The following KIF19 variants were observed in gnomAD, a reference collection of about 807,000 sequenced individuals.
The protein encoded by KIF19 is kinesin-like protein KIF19.
KIF19 carries 98 observed loss-of-function variants against 106.6 expected under a neutral mutation model. That is an observed-to-expected ratio of 0.92 (90% CI 0.78 to 1.09). KIF19 has a LOEUF of 1.09. KIF19 is among the 50% of genes least tolerant of loss of function. KIF19 has a pLI of 0.00. For synonymous variants in KIF19, 516 were observed against 584.2 expected (o/e 0.88, Z 1.68); for missense variants, 1,373 against 1,414.3 (o/e 0.97, Z 0.47).
In KIF19 at chr17:74,326,392, A is replaced by C; in HGVS notation, c.39+4A>C. 2 of 1,612,038 alleles carry C rather than the reference A, an allele frequency of 1.2e-6. No homozygotes were observed. The highest frequency in any genetic ancestry group is 1.7e-5 in the Admixed American group (1 of 59,834). ...CTCCAAGGACCAGCAACTCATGGTG[A>C]GACCCTTTTAGACCCTCCTCCCCAC... On this transcript the variant is annotated splice_donor_region_variant and intron_variant, in intron 1 of 19. Transcript: ENST00000389916.
At position 74,347,732 on chromosome 17, in the gene KIF19, G is replaced by T. The variant is rs1185058663; in HGVS notation, c.925-45G>T. On this transcript the variant is annotated intron_variant, in intron 8 of 19. Coordinates refer to ENST00000389916, the MANE Select transcript of KIF19 (RefSeq NM_153209.4). ...TCGTGAACAGCCTGGCAGGAGGAAG[G>T]CCTGAGGAGGCAGTCCCCACTGACC... is the stretch of plus-strand genomic sequence containing the variant. The T allele has an allele frequency of 4.5e-6, 7 of 1,569,672 alleles. No homozygotes were observed. In the South Asian group the frequency reaches 8.2e-5, roughly 18 times the overall value.
intron 10 of KIF19, 46 bp from the exon 11 acceptor site, chr17:74,350,355 T>C: frequency 6.6e-7 from 1 of 1,524,076 alleles, no homozygotes; most frequent in Admixed American, 2.0e-5. Flanking sequence ...CTTTGCTAGC[T>C]GAACTTGCCG....
chr17:74,345,032 C>A, intron 7 of KIF19, 77 bp downstream of exon 7: 2 of 1,341,180 alleles, frequency 1.5e-6, no homozygotes, highest in Non-Finnish European at 2.0e-6. Flanking sequence ...TGGTGACTCC[C>A]ATGCAAGGCC....
At chr17:74,353,435 G>C in intron 16 of KIF19, 59 bp from the exon 17 acceptor site, 1 of 1,529,970 alleles carries the variant, frequency 6.5e-7, no homozygotes, top group South Asian at 1.1e-5. Flanking sequence ...CTGCTGAGTG[G>C]GGCATGGGGT....
rs755214136 is a variant in KIF19 at position 74,347,853 on chromosome 17, G to A, written c.1001G>A (p.Arg334Gln). The change falls in exon 9 of 20, where the codon CGG becomes CAG. Residue 334 changes from arginine to glutamine, a missense_variant. Physicochemically the swap from Arg to Gln is conservative, Grantham distance 43 (BLOSUM62 1). This residue lies in a region of KIF19 where 1,020 missense variants were observed against 1,008.2 expected (regional missense o/e 1.01). Coordinates refer to ENST00000389916, the MANE Select transcript of KIF19 (RefSeq NM_153209.4). ...GCGAGCAGTGCCTTCGAGGAGTCCC[G>A]GAACACCCTGACCTACGCCGGCCGG... ...SPASSAFEES[R>Q]NTLTYAGRAK... 1.0e-4 allele frequency: 164 copies of A among 1,586,080 alleles called. No homozygotes were observed. The highest frequency in any genetic ancestry group is 1.6e-4 in the East Asian group (7 of 43,290).
rs1275751963 is a variant in KIF19, at chr17:74,344,923, A to T, written c.745A>T (p.Ile249Phe). 4 of 1,610,452 alleles carry T rather than the reference A, an allele frequency of 2.5e-6. No homozygotes were observed. The highest frequency in any genetic ancestry group is 2.5e-6 in the Non-Finnish European group (3 of 1,179,458). The change falls in exon 7 of 20, where the codon ATC becomes TTC. Residue 249 changes from isoleucine to phenylalanine, a missense_variant. Around this residue, in one of 3 missense-constraint regions of KIF19, gnomAD observed 348 missense variants for 389.5 expected, o/e 0.89. Coordinates refer to ENST00000389916, the MANE Select transcript of KIF19 (RefSeq NM_153209.4). ...GGTGCGGCAGGGCCGCCTGTTCATG[A>T]TCGACCTGGCTGGCTCAGAGCGCGC... ...QEVRQGRLFM[I>F]DLAGSERASQ... is the part of the protein sequence containing the mutation.
rs957347162 is a variant in KIF19 at position 74,344,876 on chromosome 17, G to A, written c.698G>A (p.Arg233Gln). The stretch of plus-strand genomic sequence containing the variant: ...CAGGTGACCGTGCGCCAGCGCAGCC[G>A]GGTCAAGAACATCTTGCAGGAGGTG... ...VLQVTVRQRS[R>Q]VKNILQEVRQ... Residue 233 changes from arginine to glutamine, a missense_variant, in exon 7 of 20, where the codon CGG (arginine) becomes CAG (glutamine). Arg to Gln is a conservative substitution (Grantham distance 43). Around this residue, in one of 3 missense-constraint regions of KIF19, gnomAD observed 348 missense variants for 389.5 expected, o/e 0.89. Transcript: ENST00000389916. The A allele has an allele frequency of 1.1e-5, 17 of 1,612,678 alleles. No individual in the cohort carries two copies. The highest frequency in any genetic ancestry group is 6.7e-5 in the African/African-American group (5 of 75,078).
At position 74,344,246 on chromosome 17, in the gene KIF19, C is replaced by T. The variant is rs2054466170; in HGVS notation, c.480C>T (p.Asp160=). Reference sequence around the variant, plus strand: ...AGATCTACAATGAGATGATCCGGGACCTGCTGAACCCCTCCCTGGGCTACC... The same window carrying T: ...AGATCTACAATGAGATGATCCGGGATCTGCTGAACCCCTCCCTGGGCTACC... ...YLEIYNEMIR[D]LLNPSLGYLE... The change falls in exon 6 of 20, where the codon GAC becomes GAT. Residue 160 remains aspartate, a synonymous_variant. Transcript: ENST00000389916. 6.2e-7 allele frequency: 1 copy of T among 1,612,756 alleles called. No homozygotes were observed. The highest frequency in any genetic ancestry group is 1.3e-5 in the African/African-American group (1 of 74,896).
Position 74,340,555 on chromosome 17 carries a change from G to GCGCGCACACACACACACA in KIF19, c.121-1321_121-1320insCGCGCACACACACACACA. ...CACGTGCCAGCAGGTATGCGCGCGC[G>GCGCGCACACACACACACA]TACACACACACACACACACTGCTGC... On this transcript the variant is annotated intron_variant, in intron 2 of 19. Transcript: ENST00000389916. Among the ~76,000 whole-genome samples the GCGCGCACACACACACACA allele has an allele frequency of 8.0e-3, 1,190 of 148,300 alleles. 7 individuals are homozygous for GCGCGCACACACACACACA. The highest frequency in any genetic ancestry group is 0.023 in the South Asian group (106 of 4,584).
chr17:74,342,579 G>C, intron 3 of KIF19, 51 bp from the exon 4 acceptor site: 1 of 1,437,116 alleles, frequency 7.0e-7, no homozygotes, highest in Non-Finnish European at 9.8e-7. Flanking sequence ...GTGGGTGCCT[G>C]TGCTGTGCCC....
intron 10 of KIF19, among the ~76,000 whole-genome samples, chr17:74,350,007 C>T (rs2054651421): frequency 6.6e-6 from 1 of 152,156 alleles, no homozygotes; most frequent in South Asian, 2.1e-4. Context: ...CCATGTTGGC[C>T]AGGCTGGTCT....
At position 74,355,370 on chromosome 17, in the gene KIF19, G is replaced by T. The variant is rs769782752; in HGVS notation, c.*58G>T. 4.1e-5 allele frequency: 62 copies of T among 1,502,568 alleles called. No individual in the cohort carries two copies. The highest frequency in any genetic ancestry group is 5.4e-5 in the Non-Finnish European group (61 of 1,124,780). The allele number at this position is 1,502,568 out of a possible 1,614,324, so 93.1% of individuals were successfully genotyped here. A position where few individuals can be genotyped will look rare whatever the true frequency, so the allele number is the denominator to read the frequency against. ...CCAAGACTGAATGGGGTCTAGCAGG[G>T]CATGGGAGGTGGAGGCTGGGCAGAT... On this transcript the variant is annotated 3_prime_UTR_variant, in exon 20 of 20. Coordinates refer to ENST00000389916, the MANE Select transcript of KIF19 (RefSeq NM_153209.4).
At chr17:74,352,488 C>A in intron 14 of KIF19, 148 bp downstream of exon 14, 1 of 1,102,992 alleles carries the variant, frequency 9.1e-7, no homozygotes, top group Non-Finnish European at 1.3e-6. Context: ...CTTACCCCAC[C>A]CAAAGCCTTG....
chr17:74,342,826 T>G, intron 4 of KIF19, 109 bp downstream of exon 4: 1 of 1,248,960 alleles, frequency 8.0e-7, no homozygotes, highest in Non-Finnish European at 1.1e-6. Flanking sequence ...ATGTGGTCGC[T>G]CCACATCTCA....
rs377733585 is a variant in KIF19, at chr17:74,354,443, G to T, written c.2590G>T (p.Gly864Cys). 4.5e-5 allele frequency: 72 copies of T among 1,610,504 alleles called. No homozygotes were observed. The African/African-American group carries it at 8.7e-4, about 19-fold the overall frequency. ...PSRAVGHHGD[G>C]PRPWLRGQKK... ...CCGGGCAGTCGGACATCATGGGGACGGCCCCAGGCCCTGGCTGCGTGGCCA... is the reference window on the plus strand; with the variant it reads ...CCGGGCAGTCGGACATCATGGGGACTGCCCCAGGCCCTGGCTGCGTGGCCA... Residue 864 changes from glycine (G) to cysteine (C), a missense_variant, in exon 18 of 20, where the codon GGC (glycine) becomes TGC (cysteine). Around this residue, in one of 3 missense-constraint regions of KIF19, gnomAD observed 1,020 missense variants for 1,008.2 expected, o/e 1.01. Transcript: ENST00000389916.
In KIF19 at chr17:74,354,576, G is replaced by T; in HGVS notation, c.2706+17G>T. 6.3e-7 allele frequency: 1 copy of T among 1,579,330 alleles called. No homozygotes were observed. Among genetic ancestry groups the T allele is most frequent in the East Asian group, 2.3e-5 (1 of 43,418 alleles). The stretch of plus-strand genomic sequence containing the variant: ...GGGCAAGGGGTGAGGCGAGGCGCAG[G>T]GGTGGGTGTCTAGGCACTCCCATAG... On this transcript the variant is annotated intron_variant, in intron 18 of 19. Coordinates refer to ENST00000389916, the MANE Select transcript of KIF19 (RefSeq NM_153209.4).
chr17:74,352,134 G>GACAGCGGCAGATCATCA lies in KIF19; in HGVS notation c.1857_1858insAGCGGCAGATCATCAAC (p.Asp620SerfsTer61), dbSNP rs2054729622. The GACAGCGGCAGATCATCA allele has an allele frequency of 6.3e-7, 1 of 1,581,282 alleles. No homozygotes were observed. Among genetic ancestry groups the GACAGCGGCAGATCATCA allele is most frequent in the African/African-American group, 1.4e-5 (1 of 73,854 alleles). Reference sequence around the variant, plus strand: ...TATCCAGGGCCAGCGGCAGATCATCGACGGTAGGGCCCACGCCCCCGCGCA... The same window carrying GACAGCGGCAGATCATCA: ...TATCCAGGGCCAGCGGCAGATCATCGACAGCGGCAGATCATCAACGGTAGGGCCCACGCCCCCGCGCA... On this transcript the variant is annotated frameshift_variant, in exon 13 of 20. Transcript: ENST00000389916. LOFTEE classifies it high-confidence loss of function.
At chr17:74,339,231 C>T (rs1448689579) in intron 2 of KIF19, among the ~76,000 whole-genome samples, 2 of 151,858 alleles carry the variant, frequency 1.3e-5, no homozygotes, top group Non-Finnish European at 1.5e-5. Flanking sequence ...GAAGTGTGTG[C>T]GTGAGAGGCA....
rs769163884 is a variant in KIF19 at position 74,355,246 on chromosome 17, C to T, written c.2931C>T (p.Thr977=). 9 of 1,612,712 alleles carry T rather than the reference C, an allele frequency of 5.6e-6. No individual in the cohort carries two copies. The African/African-American group carries it at 6.7e-5, about 12-fold the overall frequency. The change falls in exon 20 of 20, where the codon ACC becomes ACT. Residue 977 remains threonine, a synonymous_variant. Transcript: ENST00000389916. ...CAGGTGGTGGTTCTCGACGGGCTACCCGTGGGCCCCGCCTGCCCCACGGCA... is the reference window on the plus strand; with the variant it reads ...CAGGTGGTGGTTCTCGACGGGCTACTCGTGGGCCCCGCCTGCCCCACGGCA... ...PNPGGGSRRA[T]RGPRLPHGTS... is the part of the protein sequence containing the mutation.
Sources: gnomAD v4.1 joint callset for allele counts (sites outside exome capture counted in the v4.1 genomes callset) on GRCh38, gnomAD v4.1.1 for gene constraint, gnomAD v4.1.1 regional missense constraint, MANE v1.5 for transcripts, NCBI Gene and HGNC (gene_info 2026-07-23, HGNC 2026-07-21) for gene names.